The following IDO2 variants were observed in gnomAD, a reference collection of about 807,000 sequenced individuals.
IDO2 encodes the protein indoleamine 2,3-dioxygenase-like 1 protein.
Under a neutral mutation model 45.1 loss-of-function variants are expected in IDO2, and 46 were observed. The observed-to-expected ratio is 1.02, with a 90% CI of 0.80 to 1.30. The LOEUF (loss-of-function observed/expected upper bound fraction) is 1.30. Among genes scored for constraint, IDO2 ranks in the 50% most tolerant of loss-of-function variants. IDO2 has a pLI of 0.00. For missense variants in IDO2, 544 were observed against 491.8 expected (o/e 1.11, Z -1.00); for synonymous variants, 218 against 184.9 (o/e 1.18, Z -1.45).
chr8:40,006,849 C>T (rs2981144), intron 9 of IDO2, among the ~76,000 whole-genome samples: 13,048 of 151,852 alleles, frequency 0.086, 654 homozygotes, highest in Middle Eastern at 0.15. Context: ...TTAGTAGAGA[C>T]GGAGTATTGC....
chr8:40,001,973 AC>A (rs1422785784), intron 8 of IDO2, among the ~76,000 whole-genome samples: 2 of 151,978 alleles, frequency 1.3e-5, no homozygotes, highest in East Asian at 3.9e-4. Flanking sequence ...TTTAGTGGAG[AC>A]AGGATTTCAT....
chr8:39,974,472 T>G (rs747523857), intron 3 of IDO2, among the ~76,000 whole-genome samples: 1 of 152,216 alleles, frequency 6.6e-6, no homozygotes, highest in Non-Finnish European at 1.5e-5. Context: ...AGTATCTTTA[T>G]GTACTGGGAT....
At chr8:39,970,702 T>G (rs545658285) in intron 3 of IDO2, among the ~76,000 whole-genome samples, 17 of 151,858 alleles carry the variant, frequency 1.1e-4, no homozygotes, top group Admixed American at 9.2e-4. Flanking sequence ...GTGGCTACAT[T>G]TAAAAATAGG....
At chr8:39,945,674 T>C (rs1246087009) in intron 1 of IDO2, among the ~76,000 whole-genome samples, 1 of 152,164 alleles carries the variant, frequency 6.6e-6, no homozygotes, top group Non-Finnish European at 1.5e-5. Flanking sequence ...AGTAATGAAC[T>C]AGAACTCAGT....
intron 3 of IDO2, among the ~76,000 whole-genome samples, chr8:39,964,608 T>C (rs1361104206): frequency 6.6e-6 from 1 of 152,226 alleles, no homozygotes; most frequent in Admixed American, 6.5e-5. Context: ...AAATACTCAT[T>C]GAATGTTTGC....
intron 9 of IDO2, among the ~76,000 whole-genome samples, chr8:40,013,171 G>A (rs867954078): frequency 1.9e-4 from 29 of 152,158 alleles, no homozygotes; most frequent in Admixed American, 3.3e-4. Flanking sequence ...AAAAGTATCT[G>A]CTCATCAAGG....
intron 8 of IDO2, among the ~76,000 whole-genome samples, chr8:40,001,442 G>T (rs1229934942): frequency 1.3e-5 from 2 of 151,578 alleles, no homozygotes; most frequent in Non-Finnish European, 2.9e-5. Context: ...TAGAGATTGG[G>T]TTTCACTATG....
rs78054777 is a variant in IDO2 at position 39,938,465 on chromosome 8, A to C, written c.-18+3247A>C. 1.5e-3 allele frequency among the ~76,000 whole-genome samples: 223 copies of C among 152,282 alleles called. 9 individuals are homozygous for C. The East Asian group carries it at 0.041, about 28-fold the overall frequency. ...TAATATACTAATAAACTCATTTTAA[A>C]AACTGCTATGACCATAAAACTATTA... On this transcript the variant is annotated intron_variant, in intron 1 of 10. Transcript: ENST00000502986.
exon 1 of IDO2, chr8:39,935,112 A>G (rs1807525739): frequency 9.0e-7 from 1 of 1,115,070 alleles, no homozygotes; most frequent in Non-Finnish European, 1.4e-6. Flanking sequence ...ACCATAATAC[A>G]GAAGGCAATG....
intron 9 of IDO2, among the ~76,000 whole-genome samples, chr8:40,010,324 A>G (rs556479968): frequency 1.3e-5 from 2 of 152,240 alleles, no homozygotes; most frequent in African/African-American, 4.8e-5. Flanking sequence ...GAAGAGCTGC[A>G]GGAAGCCAGC....
chr8:39,980,988 G>A (rs536803059), intron 4 of IDO2, among the ~76,000 whole-genome samples: 2 of 151,804 alleles, frequency 1.3e-5, no homozygotes, highest in Admixed American at 6.6e-5. Context: ...CTGACCTCAG[G>A]TGATCCACCC....
chr8:39,965,633 CG>C (rs1563429405), intron 3 of IDO2, among the ~76,000 whole-genome samples: 1 of 151,982 alleles, frequency 6.6e-6, no homozygotes, highest in African/African-American at 2.4e-5. Context: ...CAGATGTATT[CG>C]AGTTAAGCTG....
chr8:39,971,452 C>A (rs1485786564), intron 3 of IDO2, among the ~76,000 whole-genome samples: 1 of 152,124 alleles, frequency 6.6e-6, no homozygotes, highest in Non-Finnish European at 1.5e-5. Context: ...GTTCTGCAAC[C>A]TATGGATCAA....
intron 8 of IDO2, among the ~76,000 whole-genome samples, chr8:39,992,618 C>A (rs1351138270): frequency 1.3e-5 from 2 of 152,144 alleles, no homozygotes; most frequent in East Asian, 3.8e-4. Flanking sequence ...ACACTAGAAA[C>A]TGCAAGATTT....
intron 3 of IDO2, among the ~76,000 whole-genome samples, chr8:39,970,739 TA>T (rs1245043458): frequency 6.6e-6 from 1 of 151,288 alleles, no homozygotes; most frequent in Non-Finnish European, 1.5e-5. Flanking sequence ...AACCATCTTT[TA>T]TTGGAAGAAG....
intron 2 of IDO2, among the ~76,000 whole-genome samples, chr8:39,955,582 G>C (rs996074117): frequency 2.6e-5 from 4 of 151,950 alleles, no homozygotes; most frequent in African/African-American, 7.3e-5. Context: ...ATGCCAGGTG[G>C]GGGGAGGGGA....
rs764620612 is a variant in IDO2, at chr8:39,949,218, G to A, written c.53G>A (p.Ser18Asn). The A allele has an allele frequency of 3.7e-6, 6 of 1,606,632 alleles. No homozygotes were observed. The East Asian group carries it at 1.3e-4, about 36-fold the overall frequency. ...ACAGCAGTGCCATTGTCTTTGGAAA[G>A]CTATCACATATCTGAAGAGTATGGC... The change falls in exon 2 of 11, where the codon AGC becomes AAC. Residue 18 changes from serine (S) to asparagine (N), a missense_variant. Transcript: ENST00000502986.
At chr8:39,974,500 G>A (rs1016631947) in intron 3 of IDO2, among the ~76,000 whole-genome samples, 9 of 152,168 alleles carry the variant, frequency 5.9e-5, no homozygotes, top group Admixed American at 2.6e-4. Context: ...GAATTTTCTA[G>A]GGCCCGGCAC....
At chr8:39,986,201 T>G (rs1421214) in intron 6 of IDO2, 123,036 of 152,180 alleles carry the variant, frequency 0.81, 50,217 homozygotes, top group East Asian at 0.92. Context: ...TTGCAGATTG[T>G]CTACAGAAAA....
Sources: gnomAD v4.1 joint callset for allele counts (sites outside exome capture counted in the v4.1 genomes callset) on GRCh38, gnomAD v4.1.1 for gene constraint, MANE v1.5 for transcripts, NCBI Gene and HGNC (gene_info 2026-07-23, HGNC 2026-07-21) for gene names.